The following MPPE1 variants were observed in gnomAD, a reference collection of about 807,000 sequenced individuals.
The protein encoded by MPPE1 is metallophosphoesterase 1.
In MPPE1, 28 loss-of-function variants were observed where a neutral mutation model predicts 43.8. The observed-to-expected ratio is 0.64, with a 90% CI of 0.47 to 0.88. The LOEUF (loss-of-function observed/expected upper bound fraction) is 0.88, where lower values mean the gene tolerates loss of function less well. MPPE1 is among the 40% of genes least tolerant of loss of function. MPPE1 has a pLI of 0.00. For synonymous variants in MPPE1, 159 were observed against 188.5 expected (o/e 0.84, Z 1.28); for missense variants, 428 against 492.2 (o/e 0.87, Z 1.23).
rs779225205 is a variant in MPPE1, at chr18:11,886,980, G to A, written c.615C>T (p.Gly205=). The change falls in exon 7 of 11, where the codon GGC becomes GGT. Residue 205 remains glycine (G), a synonymous_variant. Coordinates refer to ENST00000588072, the MANE Select transcript of MPPE1 (RefSeq NM_023075.6). The surrounding 1 kb of genome is among the most constrained non-coding windows in gnomAD (Gnocchi z 4.1). The part of the protein sequence containing the change: ...NSVALNGDGC[G]ICSETEAELI... ...GCTCTGCTTCTGTTTCAGAGCAGAT[G>A]CCACAGCCATCCCCGTTCAGCGCCA... 2 of 1,613,930 alleles carry A rather than the reference G, an allele frequency of 1.2e-6. No homozygotes were observed. The highest frequency in any genetic ancestry group is 2.2e-5 in the East Asian group (1 of 44,870).
chr18:11,906,778 C>A (rs968943895), intron 1 of MPPE1, among the ~76,000 whole-genome samples: 4 of 146,070 alleles, frequency 2.7e-5, no homozygotes, highest in Non-Finnish European at 4.4e-5. Context: ...CGCTTGAATG[C>A]GGGAGGCGGA....
intron 4 of MPPE1, among the ~76,000 whole-genome samples, chr18:11,890,721 A>G (rs1030147391): frequency 6.6e-6 from 1 of 152,258 alleles, no homozygotes; most frequent in Non-Finnish European, 1.5e-5. Context: ...AAGACCATTC[A>G]TAGACCCTGG....
At chr18:11,906,723 A>G (rs1324565666) in intron 1 of MPPE1, among the ~76,000 whole-genome samples, 1 of 151,938 alleles carries the variant, frequency 6.6e-6, no homozygotes, top group Non-Finnish European at 1.5e-5. Flanking sequence ...GGGTAGTGGC[A>G]CATGCCTGTA....
At chr18:11,900,094 T>C (rs1186545592) in intron 2 of MPPE1, among the ~76,000 whole-genome samples, 1 of 151,952 alleles carries the variant, frequency 6.6e-6, no homozygotes, top group African/African-American at 2.4e-5. Context: ...AAGCCTGTAA[T>C]CCAGCACTTT....
At chr18:11,885,607 A>C (rs954245747) in intron 10 of MPPE1, 69 bp downstream of exon 10, 80 of 1,541,110 alleles carry the variant, frequency 5.2e-5, no homozygotes, top group Non-Finnish European at 6.9e-5. Context: ...GCAGCAATTA[A>C]ATAGTTGATT....
chr18:11,884,834 G>GT (rs943231337), intron 10 of MPPE1: 1 of 1,392,440 alleles, frequency 7.2e-7, no homozygotes, highest in Non-Finnish European at 9.3e-7. Flanking sequence ...GGAGAGACAA[G>GT]TAAGGCCCAA....
intron 2 of MPPE1, among the ~76,000 whole-genome samples, chr18:11,899,820 G>A (rs540666318): frequency 6.6e-6 from 1 of 152,232 alleles, no homozygotes; most frequent in Non-Finnish European, 1.5e-5. Context: ...TCACACGTAG[G>A]CATGGAGTCA....
At chr18:11,898,934 A>C (rs989772254) in intron 2 of MPPE1, among the ~76,000 whole-genome samples, 9 of 150,712 alleles carry the variant, frequency 6.0e-5, no homozygotes, top group African/African-American at 2.0e-4. Flanking sequence ...CTGAGACAGA[A>C]TCTCACTCTG....
intron 3 of MPPE1, among the ~76,000 whole-genome samples, chr18:11,896,095 CTTT>C (rs1178920790): frequency 2.7e-3 from 218 of 80,432 alleles, no homozygotes; most frequent in African/African-American, 9.3e-3. Context: ...ATTCTTTATT[CTTT>C]TTTTTTTTTT....
chr18:11,889,539 T>C, intron 4 of MPPE1, 49 bp from the exon 5 acceptor site: 2 of 1,410,314 alleles, frequency 1.4e-6, no homozygotes, highest in Non-Finnish European at 1.9e-6. Context: ...ATCTCTGCCC[T>C]GTGGCTAAAA....
At chr18:11,894,454 A>AAC (rs1437609138) in intron 3 of MPPE1, among the ~76,000 whole-genome samples, 1 of 149,284 alleles carries the variant, frequency 6.7e-6, no homozygotes, top group African/African-American at 2.5e-5. Context: ...AAAAAAAAAA[A>AAC]ACAGCCTGGG....
chr18:11,895,429 C>G (rs2038492525), intron 3 of MPPE1, among the ~76,000 whole-genome samples: 3 of 152,182 alleles, frequency 2.0e-5, no homozygotes. Flanking sequence ...AATTTCTGGT[C>G]AGAGGAAGAT....
intron 2 of MPPE1, among the ~76,000 whole-genome samples, chr18:11,904,311 A>ATTT (rs11426779): frequency 1.3e-5 from 2 of 150,278 alleles, no homozygotes; most frequent in Admixed American, 6.7e-5. Flanking sequence ...AATCTTTTTT[A>ATTT]TTTATTTATT....
rs991090086 is a variant in MPPE1, at chr18:11,901,230, A to T, written c.-92-3874T>A. Among the ~76,000 whole-genome samples, 11 of 151,600 alleles carry T rather than the reference A, an allele frequency of 7.3e-5. 1 individual carries two copies. Among genetic ancestry groups the T allele is most frequent in the Non-Finnish European group, 1.3e-4 (9 of 67,944 alleles). ...ATATTAACTCTTGATTTATTTATTT[A>T]TTTATTTTTATTTTTTTGAGACAGA... On this transcript the variant is annotated intron_variant, in intron 2 of 10. Coordinates refer to ENST00000588072, the MANE Select transcript of MPPE1 (RefSeq NM_023075.6).
At chr18:11,903,762 C>T (rs1048902396) in intron 2 of MPPE1, among the ~76,000 whole-genome samples, 15 of 152,122 alleles carry the variant, frequency 9.9e-5, no homozygotes, top group African/African-American at 3.4e-4. Context: ...ACCGAGATCG[C>T]GCCATTGCAC....
At chr18:11,902,751 C>G (rs188452913) in intron 2 of MPPE1, 4 of 152,394 alleles carry the variant, frequency 2.6e-5, no homozygotes, top group Admixed American at 2.6e-4. Flanking sequence ...CTAAGAGGCG[C>G]AAAAAGCATC....
At chr18:11,895,887 T>A (rs1290493009) in intron 3 of MPPE1, among the ~76,000 whole-genome samples, 1 of 151,688 alleles carries the variant, frequency 6.6e-6, no homozygotes, top group African/African-American at 2.4e-5. Context: ...TGATTTAATG[T>A]TATTCACCAT....
intron 4 of MPPE1, 96 bp downstream of exon 4, chr18:11,893,372 A>C: frequency 1.2e-6 from 1 of 813,024 alleles, no homozygotes; most frequent in Non-Finnish European, 2.0e-6. Context: ...CTTCCATAAA[A>C]TCTCCAGCTC....
chr18:11,885,093 A>G (rs1406504790), intron 10 of MPPE1: 1 of 1,239,242 alleles, frequency 8.1e-7, no homozygotes, highest in Non-Finnish European at 1.0e-6. Flanking sequence ...CTTTGCAGAT[A>G]CTTTTATGTG....
Sources: allele counts gnomAD v4.1 joint callset (sites outside exome capture counted in the v4.1 genomes callset), GRCh38; gene constraint gnomAD v4.1.1; non-coding constraint Gnocchi (gnomAD v3.1); transcripts MANE v1.5; gene names NCBI Gene and HGNC (gene_info 2026-07-23, HGNC 2026-07-21).